DTD1: variants seen among roughly 807,000 people sequenced by gnomAD.
DTD1 encodes D-aminoacyl-tRNA deacylase 1, also known as D-tyrosyl-tRNA deacylase 1 homolog.
DTD1 carries 13 observed loss-of-function variants against 25.6 expected under a neutral mutation model. The observed-to-expected ratio is 0.51, with a 90% confidence interval of 0.33 to 0.81. DTD1 has a LOEUF of 0.81. DTD1 is among the 30% of genes least tolerant of loss of function. The pLI, the probability that DTD1 is intolerant of heterozygous loss-of-function variation, is 0.02. For synonymous variants in DTD1, 110 were observed against 103.6 expected, an observed-to-expected ratio of 1.06 and a Z score of -0.37; for missense variants, 193 against 266.4, an observed-to-expected ratio of 0.72 and a Z score of 1.92.
intron 3 of DTD1, among the ~76,000 whole-genome samples, chr20:18,606,980 A>G (rs998253870): frequency 4.6e-5 from 7 of 151,888 alleles, no homozygotes; most frequent in Non-Finnish European, 7.4e-5. Context: ...ATGACTGGAT[A>G]TTAAAGTTCA....
At chr20:18,703,669 AATTTTTAATATCC>A (rs761037251) in intron 4 of DTD1, among the ~76,000 whole-genome samples, 14 of 151,636 alleles carry the variant, frequency 9.2e-5, no homozygotes, top group Non-Finnish European at 2.1e-4. Context: ...TTTGGCAAGC[AATTTTTAATATCC>A]ATGAACTCAT....
In DTD1 at chr20:18,633,668, G is replaced by T. The variant is rs112427211; in HGVS notation, c.477+5435G>T. Among the ~76,000 whole-genome samples the T allele has an allele frequency of 3.8e-3, 586 of 152,306 alleles. 2 individuals are homozygous for T. Among genetic ancestry groups the T allele is most frequent in the African/African-American group, 0.013 (555 of 41,558 alleles). ...GAGTGGGCCTCCCAGGGGACCGGAGGTTTTAGCTGACCTTTAAGGATATGG... is the reference window on the plus strand; with the variant it reads ...GAGTGGGCCTCCCAGGGGACCGGAGTTTTTAGCTGACCTTTAAGGATATGG... On this transcript the variant is annotated intron_variant, in intron 4 of 5. Coordinates refer to ENST00000377452, the MANE Select transcript of DTD1 (RefSeq NM_080820.6).
At chr20:18,695,564 C>T (rs2061072002) in intron 4 of DTD1, among the ~76,000 whole-genome samples, 1 of 15,060 alleles carries the variant, frequency 6.6e-5, no homozygotes, top group Non-Finnish European at 1.4e-4. Flanking sequence ...CCCTTCTCTT[C>T]CCCTCCATTC....
rs545624350 is a variant in DTD1 at position 18,665,876 on chromosome 20, A to G, written c.477+37643A>G. 2.2e-4 allele frequency among the ~76,000 whole-genome samples: 34 copies of G among 152,336 alleles called. No homozygotes were observed. The South Asian group carries it at 6.8e-3, about 31-fold the overall frequency. ...ATTTACAGAAAAGTTGCAAAAATAG[A>G]AATGTTGCTGAGAGTATAGAGAGTA... On this transcript the variant is annotated intron_variant, in intron 4 of 5. Coordinates refer to ENST00000377452, the MANE Select transcript of DTD1 (RefSeq NM_080820.6).
intron 5 of DTD1, among the ~76,000 whole-genome samples, chr20:18,746,246 A>G (rs1424182369): frequency 6.6e-6 from 1 of 152,178 alleles, no homozygotes; most frequent in African/African-American, 2.4e-5. Context: ...GACTGTGGTT[A>G]AAACCAAGTT....
chr20:18,672,905 G>T (rs1336468306), intron 4 of DTD1, among the ~76,000 whole-genome samples: 1 of 152,170 alleles, frequency 6.6e-6, no homozygotes, highest in Non-Finnish European at 1.5e-5. Context: ...TCATAATTTG[G>T]CTTCCTAGAT....
rs2061379630 is a variant in DTD1, at chr20:18,766,588, A to G, written c.*3248A>G. The G allele has an allele frequency of 6.6e-6, 1 of 152,002 alleles. No individual in the cohort carries two copies. 9.4% of individuals were successfully genotyped at this position (152,002 alleles called of 1,614,324 possible). On this transcript the variant is annotated 3_prime_UTR_variant, in exon 6 of 6. Coordinates refer to ENST00000377452, the MANE Select transcript of DTD1 (RefSeq NM_080820.6). The stretch of plus-strand genomic sequence containing the variant: ...GAAACCCCGTCTCTACTAAAAATAC[A>G]AAAAATTAGCCGGGCGTGGTGGCGG...
Position 18,749,290 on chromosome 20 carries a change from C to G in DTD1, c.*19+5019C>G, listed in dbSNP as rs1000367709. ...TGCAGCCCAGTGAGGTAGCAAGACA[C>G]GGTCAGGCCTCAGGGCCTGTGAGAG... On this transcript the variant is annotated intron_variant, in intron 5 of 5. Transcript: ENST00000377452. This position sits in a 1 kb window ranked among gnomAD's most constrained non-coding sequence, Gnocchi z 4.2. Among the ~76,000 whole-genome samples, 2 of 152,200 alleles carry G rather than the reference C, an allele frequency of 1.3e-5. No homozygotes were observed. The highest frequency in any genetic ancestry group is 1.3e-4 in the Admixed American group (2 of 15,286).
intron 4 of DTD1, among the ~76,000 whole-genome samples, chr20:18,652,731 T>G (rs753509577): frequency 3.0e-4 from 46 of 152,188 alleles, no homozygotes; most frequent in Non-Finnish European, 5.6e-4. Flanking sequence ...GTAGACCTGT[T>G]TTGGATATCA....
At chr20:18,720,435 C>T (rs1054304979) in intron 4 of DTD1, among the ~76,000 whole-genome samples, 4 of 152,240 alleles carry the variant, frequency 2.6e-5, no homozygotes, top group African/African-American at 9.6e-5. Flanking sequence ...GAATTACCTT[C>T]ATAAGATTTT....
At chr20:18,757,632 G>C (rs183659790) in intron 5 of DTD1, among the ~76,000 whole-genome samples, 3 of 152,148 alleles carry the variant, frequency 2.0e-5, no homozygotes, top group African/African-American at 7.2e-5. Flanking sequence ...CCACTTGATC[G>C]TGGTGGATAA....
At chr20:18,716,468 G>A (rs760346656) in intron 4 of DTD1, among the ~76,000 whole-genome samples, 7 of 152,182 alleles carry the variant, frequency 4.6e-5, no homozygotes, top group Non-Finnish European at 8.8e-5. Flanking sequence ...CGGGTCTCAC[G>A]GGAGGCCCAT....
intron 3 of DTD1, among the ~76,000 whole-genome samples, chr20:18,616,131 G>T (rs2060707967): frequency 1.3e-5 from 2 of 152,094 alleles, no homozygotes; most frequent in South Asian, 2.1e-4. Context: ...TGAATGGCAG[G>T]GTTGGCAAAC....
rs1326045898 is a variant in DTD1, at chr20:18,765,358, G to A, written c.*2018G>A. 1 of 152,252 alleles carries A rather than the reference G, an allele frequency of 6.6e-6. No individual in the cohort carries two copies. Among genetic ancestry groups the A allele is most frequent in the East Asian group, 1.9e-4 (1 of 5,202 alleles). The allele number at this position is 152,252 out of a possible 1,614,324, so 9.4% of individuals were successfully genotyped here. On this transcript the variant is annotated 3_prime_UTR_variant, in exon 6 of 6. Coordinates refer to ENST00000377452, the MANE Select transcript of DTD1 (RefSeq NM_080820.6). The stretch of plus-strand genomic sequence containing the variant: ...GAAGGTGATGTTGGGAGCTTTTGGT[G>A]TTTGAGCAGAAATTCTGAGCCTATA...
chr20:18,738,948 T>G (rs1473864969), intron 4 of DTD1, among the ~76,000 whole-genome samples: 1 of 152,246 alleles, frequency 6.6e-6, no homozygotes, highest in African/African-American at 2.4e-5. Flanking sequence ...GATACATGTT[T>G]GAAAAGAAAG....
intron 3 of DTD1, among the ~76,000 whole-genome samples, chr20:18,620,579 GCTGA>G (rs2060729680): frequency 1.3e-5 from 2 of 151,134 alleles, no homozygotes; most frequent in Admixed American, 6.6e-5. Flanking sequence ...GCTTTCATAG[GCTGA>G]CTTTCTTTTT....
intron 3 of DTD1, among the ~76,000 whole-genome samples, chr20:18,608,115 G>C (rs996916539): frequency 2.6e-5 from 4 of 152,074 alleles, no homozygotes; most frequent in Non-Finnish European, 5.9e-5. Flanking sequence ...GAGAAACTAA[G>C]GGAATTGGTC....
intron 4 of DTD1, among the ~76,000 whole-genome samples, chr20:18,690,372 T>C (rs1367297028): frequency 6.6e-6 from 1 of 152,188 alleles, no homozygotes; most frequent in African/African-American, 2.4e-5. Context: ...TGTTAATTTT[T>C]GTTTTTGCTG....
chr20:18,590,837 A>G (rs893253046), intron 1 of DTD1, among the ~76,000 whole-genome samples: 3 of 152,232 alleles, frequency 2.0e-5, no homozygotes, highest in African/African-American at 4.8e-5. Flanking sequence ...AAAGTTTATT[A>G]TGGCACATTT....
Sources: allele counts gnomAD v4.1 joint callset (sites outside exome capture counted in the v4.1 genomes callset), GRCh38; gene constraint gnomAD v4.1.1; non-coding constraint Gnocchi (gnomAD v3.1); transcripts MANE v1.5; gene names NCBI Gene and HGNC (gene_info 2026-07-23, HGNC 2026-07-21).